Variants in SEC31B observed in about 807,000 individuals in gnomAD.
SEC31B encodes the protein SEC31 homolog B, COPII component, also known as protein transport protein Sec31B.
In SEC31B, 113 loss-of-function variants were observed where a neutral mutation model predicts 135.0. The ratio of observed to expected loss-of-function variants is 0.84; its 90% CI spans 0.72 to 0.98. The LOEUF (loss-of-function observed/expected upper bound fraction) is 0.98. SEC31B is among the 50% of genes least tolerant of loss of function. The probability of loss-of-function intolerance (pLI) is 0.00; values close to 1 mark genes in which losing one functional copy is unlikely to be tolerated. For synonymous variants in SEC31B, 508 were observed against 549.4 expected (o/e 0.92, Z 1.05); for missense variants, 1,296 against 1,421.1 (o/e 0.91, Z 1.42).
chr10:100,494,185 C>T (rs895882056), intron 19 of SEC31B, among the ~76,000 whole-genome samples: 6 of 152,080 alleles, frequency 3.9e-5, no homozygotes, highest in South Asian at 2.1e-4. Flanking sequence ...CCAATCCCCC[C>T]GGGCACTTTG....
chr10:100,506,160 A>G lies in SEC31B; in HGVS notation c.924T>C (p.Asp308=). 1 of 1,614,240 alleles carries G rather than the reference A, an allele frequency of 6.2e-7. No individual in the cohort carries two copies. The highest frequency in any genetic ancestry group is 8.5e-7 in the Non-Finnish European group (1 of 1,180,040). Residue 308 remains aspartate (D), a synonymous_variant, in exon 9 of 26, where the codon GAT becomes GAC. Transcript: ENST00000370345. The part of the protein sequence containing the change: ...KLPTQSSWCF[D]VQWCPRDPSV... ...AAGGGTCCCGAGGGCACCACTGCAC[A>G]TCAAAGCACCAGCTGCTCTGTGTTG...
rs1851271583 is a variant in SEC31B at position 100,490,118 on chromosome 10, G to A, written c.2855C>T (p.Ser952Phe). ...LRPLGPGRMV[S>F]HTPAPPASFP... ...GCTTGCAGGAGGGGCTGGGGTGTGG[G>A]AGACCATGCGGCCGGGACCTAGTGG... is the stretch of plus-strand genomic sequence containing the variant. Residue 952 changes from serine to phenylalanine, a missense_variant, in exon 21 of 26, where the codon TCC (serine) becomes TTC (phenylalanine). Physicochemically the swap from Ser to Phe is radical, Grantham distance 155. Coordinates refer to ENST00000370345, the MANE Select transcript of SEC31B (RefSeq NM_015490.4). 1 of 1,589,192 alleles carries A rather than the reference G, an allele frequency of 6.3e-7. No homozygotes were observed. The highest frequency in any genetic ancestry group is 8.6e-7 in the Non-Finnish European group (1 of 1,168,812).
At position 100,490,174 on chromosome 10, in the gene SEC31B, A is replaced by C; in HGVS notation, c.2799T>G (p.Thr933=). The part of the protein sequence containing the change: ...MRPGSTSLPE[T]PRLFPLLPLR... ...GAGGAAGCAGAGGGAACAGTCTAGGAGTCTCAGGCAGGGAGGTAGAGCCAG... is the reference window on the plus strand; with the variant it reads ...GAGGAAGCAGAGGGAACAGTCTAGGCGTCTCAGGCAGGGAGGTAGAGCCAG... The change falls in exon 21 of 26, where the codon ACT becomes ACG. Residue 933 remains threonine (T), a synonymous_variant. Coordinates refer to ENST00000370345, the MANE Select transcript of SEC31B (RefSeq NM_015490.4). 2 of 1,607,006 alleles carry C rather than the reference A, an allele frequency of 1.2e-6. No individual in the cohort carries two copies. The highest frequency in any genetic ancestry group is 1.3e-5 in the African/African-American group (1 of 74,850).
intron 14 of SEC31B, chr10:100,498,410 C>T: frequency 3.2e-6 from 2 of 621,904 alleles, no homozygotes; most frequent in Middle Eastern, 4.3e-4. Flanking sequence ...AGGGAGGGAA[C>T]TGATGTGGCA....
At chr10:100,496,909 C>G (rs1266825000) in intron 17 of SEC31B, among the ~76,000 whole-genome samples, 2 of 152,204 alleles carry the variant, frequency 1.3e-5, no homozygotes, top group East Asian at 3.8e-4. Flanking sequence ...AAAACCAAAC[C>G]TGAAATAGGA....
At chr10:100,505,701 C>T (rs1851617033) in intron 9 of SEC31B, 2 of 1,416,076 alleles carry the variant, frequency 1.4e-6, no homozygotes, top group South Asian at 3.2e-5. Flanking sequence ...CTACTACATT[C>T]AAAGTCTACA....
intron 20 of SEC31B, 179 bp from the exon 21 acceptor site, chr10:100,490,501 TC>T (rs1171926476): frequency 1.1e-6 from 1 of 880,886 alleles, no homozygotes; most frequent in African/African-American, 1.7e-5. Context: ...TTCAAAACAA[TC>T]CCATAGCATT....
chr10:100,501,672 C>T (rs1364578272), intron 11 of SEC31B: 2 of 152,478 alleles, frequency 1.3e-5, no homozygotes, highest in Admixed American at 1.3e-4. Context: ...CTTCAGATCT[C>T]TCACTTGCTC....
At chr10:100,489,003 C>T (rs1851245358) in intron 23 of SEC31B, 29 bp from the exon 24 acceptor site, 2 of 1,578,310 alleles carry the variant, frequency 1.3e-6, no homozygotes, top group African/African-American at 2.7e-5. Flanking sequence ...GGAGAAAGGC[C>T]AGAGGGGCAA....
intron 22 of SEC31B, 73 bp downstream of exon 22, chr10:100,489,630 T>C (rs2133668614): frequency 6.2e-7 from 1 of 1,604,670 alleles, no homozygotes; most frequent in East Asian, 2.2e-5. Flanking sequence ...AAGGACTGAC[T>C]GAATCCTCCA....
rs770716337 is a variant in SEC31B at position 100,497,792 on chromosome 10, A to G, written c.1865T>C (p.Leu622Pro). The change falls in exon 16 of 26, where the codon CTT becomes CCT. Residue 622 changes from leucine to proline, a missense_variant and splice_region_variant. Transcript: ENST00000370345. ...ATTCTTTTGCACAACACAGGCTAGA[A>G]GCTGTAATGGGCAGAGAGGGAAAGA... ...LAKKKTKISS[L>P]LACVVQKNWK... 6.2e-7 allele frequency: 1 copy of G among 1,614,232 alleles called. No homozygotes were observed. The highest frequency in any genetic ancestry group is 8.5e-7 in the Non-Finnish European group (1 of 1,180,044).
intron 17 of SEC31B, 148 bp from the exon 18 acceptor site, chr10:100,496,579 A>G (rs2133679111): frequency 3.7e-6 from 3 of 801,042 alleles, no homozygotes; most frequent in Non-Finnish European, 5.8e-6. Context: ...GATGACACGT[A>G]AGAACTGTGA....
intron 9 of SEC31B, 116 bp from the exon 10 acceptor site, chr10:100,505,611 T>C: frequency 1.4e-6 from 2 of 1,465,196 alleles, no homozygotes; most frequent in Non-Finnish European, 1.8e-6. Flanking sequence ...CCTAGAAAGG[T>C]CAGACTCCCA....
At chr10:100,503,136 T>G (rs1851554003) in intron 10 of SEC31B, among the ~76,000 whole-genome samples, 1 of 152,154 alleles carries the variant, frequency 6.6e-6, no homozygotes, top group Non-Finnish European at 1.5e-5. Context: ...TCCACATCCC[T>G]AAAATGCCTG....
rs1010345295 is a variant in SEC31B at position 100,497,382 on chromosome 10, C to T, written c.1991-102G>A. On this transcript the variant is annotated intron_variant, in intron 16 of 25. Coordinates refer to ENST00000370345, the MANE Select transcript of SEC31B (RefSeq NM_015490.4). ...AGGACCATGAGCCTGGGACAAGTAG[C>T]TGCAGTTTAAGACAACACTGAGACT... 3.1e-5 allele frequency: 48 copies of T among 1,550,552 alleles called. 1 individual carries two copies. The Admixed American group carries it at 8.3e-4, about 27-fold the overall frequency.
chr10:100,514,467 G>T (rs1851789918), intron 3 of SEC31B, among the ~76,000 whole-genome samples: 1 of 151,904 alleles, frequency 6.6e-6, no homozygotes, highest in African/African-American at 2.4e-5. Flanking sequence ...GAAATGTTTG[G>T]TTAGGGGCTA....
intron 25 of SEC31B, 48 bp from the exon 26 acceptor site, chr10:100,487,843 C>T (rs1851212214): frequency 6.2e-7 from 1 of 1,604,428 alleles, no homozygotes. Flanking sequence ...CCAGCTCCTA[C>T]CCTGGCAGCA....
intron 13 of SEC31B, 59 bp downstream of exon 13, chr10:100,499,101 G>T: frequency 7.2e-7 from 1 of 1,385,762 alleles, no homozygotes; most frequent in Non-Finnish European, 1.0e-6. Context: ...AGGGAAAGAT[G>T]CCCAAAAGGC....
intron 19 of SEC31B, 102 bp downstream of exon 19, chr10:100,495,283 G>T: frequency 9.8e-7 from 1 of 1,020,148 alleles, no homozygotes; most frequent in Non-Finnish European, 1.5e-6. Flanking sequence ...TATGGAAGTT[G>T]GGAATTTTCA....
Sources: gnomAD v4.1 joint callset for allele counts (sites outside exome capture counted in the v4.1 genomes callset) on GRCh38, gnomAD v4.1.1 for gene constraint, MANE v1.5 for transcripts, NCBI Gene and HGNC (gene_info 2026-07-23, HGNC 2026-07-21) for gene names.